The following CCDC91 variants were observed in gnomAD, a reference collection of about 807,000 sequenced individuals.
CCDC91 encodes coiled-coil domain-containing protein 91.
CCDC91 carries 48 observed loss-of-function variants against 63.2 expected under a neutral mutation model. The observed-to-expected ratio is 0.76, with a 90% CI of 0.60 to 0.97. The LOEUF (loss-of-function observed/expected upper bound fraction) is 0.97, where lower values mean the gene tolerates loss of function less well. Among genes scored for constraint, CCDC91 ranks in the 50% least tolerant of loss-of-function variants. CCDC91 has a pLI of 0.00. For missense variants in CCDC91, 500 were observed against 494.6 expected (o/e 1.01, Z -0.10); for synonymous variants, 167 against 165.8 (o/e 1.01, Z -0.06).
chr12:28,229,173 C>G (rs1944444354), intron 1 of CCDC91, among the ~76,000 whole-genome samples: 1 of 150,794 alleles, frequency 6.6e-6, no homozygotes. Flanking sequence ...GGGGGTTCTA[C>G]TTTTTTCATT....
chr12:28,390,948 T>TA (rs1565899867), intron 7 of CCDC91, among the ~76,000 whole-genome samples: 1 of 151,098 alleles, frequency 6.6e-6, no homozygotes, highest in South Asian at 2.1e-4. Context: ...CTTTTTTTTT[T>TA]TTTTTCAGCA....
intron 8 of CCDC91, among the ~76,000 whole-genome samples, chr12:28,412,217 A>G (rs1338533661): frequency 6.6e-6 from 1 of 152,216 alleles, no homozygotes; most frequent in African/African-American, 2.4e-5. Context: ...ATTGCCTAAT[A>G]TCACATTTCT....
At chr12:28,456,427 T>A (rs80154205) in intron 11 of CCDC91, among the ~76,000 whole-genome samples, 1 of 152,240 alleles carries the variant, frequency 6.6e-6, no homozygotes, top group Non-Finnish European at 1.5e-5. Flanking sequence ...TCATTTCATA[T>A]AAGTCAATTT....
At chr12:28,195,237 T>C (rs573282148) in intron 1 of CCDC91, among the ~76,000 whole-genome samples, 4 of 152,316 alleles carry the variant, frequency 2.6e-5, no homozygotes, top group Admixed American at 2.0e-4. Context: ...AGAGCGCTGA[T>C]TGGTGCATTT....
intron 3 of CCDC91, among the ~76,000 whole-genome samples, chr12:28,267,807 A>AATATATAATT (rs1565699742): frequency 6.0e-4 from 9 of 14,888 alleles, no homozygotes; most frequent in African/African-American, 1.1e-3. Flanking sequence ...ATTATATAGT[A>AATATATAATT]ATATATAATT....
At chr12:28,506,015 A>G (rs1422360349) in intron 12 of CCDC91, among the ~76,000 whole-genome samples, 8 of 152,018 alleles carry the variant, frequency 5.3e-5, no homozygotes, top group Admixed American at 5.2e-4. Flanking sequence ...CAAATTAATG[A>G]TTACACATAT....
At chr12:28,494,380 C>A (rs1427905022) in intron 12 of CCDC91, among the ~76,000 whole-genome samples, 1 of 151,712 alleles carries the variant, frequency 6.6e-6, no homozygotes, top group Non-Finnish European at 1.5e-5. Context: ...AGAGTTCCAC[C>A]TAGCAATGTG....
chr12:28,352,812 T>A (rs1943269734), intron 6 of CCDC91, among the ~76,000 whole-genome samples: 1 of 152,140 alleles, frequency 6.6e-6, no homozygotes, highest in Non-Finnish European at 1.5e-5. Flanking sequence ...GCATAATGCT[T>A]AAGGGCCCTG....
At chr12:28,249,177 T>C (rs1473154690) in intron 1 of CCDC91, among the ~76,000 whole-genome samples, 3 of 152,132 alleles carry the variant, frequency 2.0e-5, no homozygotes, top group Non-Finnish European at 1.5e-5. Flanking sequence ...ATGAGAGAAA[T>C]AACTTTAAAG....
intron 12 of CCDC91, among the ~76,000 whole-genome samples, chr12:28,523,095 T>C (rs1940894514): frequency 6.6e-6 from 1 of 152,230 alleles, no homozygotes; most frequent in Non-Finnish European, 1.5e-5. Context: ...TAGGTCCGCC[T>C]GGTGCAGAGC....
chr12:28,246,650 T>C (rs911490254), intron 1 of CCDC91, among the ~76,000 whole-genome samples: 1 of 152,092 alleles, frequency 6.6e-6, no homozygotes, highest in Non-Finnish European at 1.5e-5. Flanking sequence ...GAAATAGTTA[T>C]ACAGTATAAT....
intron 3 of CCDC91, among the ~76,000 whole-genome samples, chr12:28,275,492 CA>C (rs894746782): frequency 6.6e-6 from 1 of 151,836 alleles, no homozygotes; most frequent in Non-Finnish European, 1.5e-5. Context: ...GCTTACCAAC[CA>C]AAAAAAGTCC....
At chr12:28,247,491 A>G (rs1945832675) in intron 1 of CCDC91, among the ~76,000 whole-genome samples, 1 of 152,096 alleles carries the variant, frequency 6.6e-6, no homozygotes, top group Non-Finnish European at 1.5e-5. Flanking sequence ...AAAAAAAAAA[A>G]AAAAAAGAAT....
chr12:28,513,977 T>C (rs557186854), intron 12 of CCDC91, among the ~76,000 whole-genome samples: 66 of 151,974 alleles, frequency 4.3e-4, no homozygotes, highest in African/African-American at 1.5e-3. Flanking sequence ...AGTGTATACC[T>C]AGCAATGGGA....
intron 12 of CCDC91, among the ~76,000 whole-genome samples, chr12:28,511,109 A>G (rs2141277673): frequency 6.6e-6 from 1 of 152,048 alleles, no homozygotes; most frequent in South Asian, 2.1e-4. Context: ...AGCCCAAGTC[A>G]CTATGAACTT....
At chr12:28,528,071 T>C (rs758446316) in intron 12 of CCDC91, among the ~76,000 whole-genome samples, 1 of 152,278 alleles carries the variant, frequency 6.6e-6, no homozygotes, top group Non-Finnish European at 1.5e-5. Context: ...CCCCCACCTG[T>C]GGAGTCTGCA....
intron 11 of CCDC91, among the ~76,000 whole-genome samples, chr12:28,476,065 C>T (rs1229076998): frequency 2.0e-5 from 3 of 151,984 alleles, no homozygotes; most frequent in African/African-American, 7.2e-5. Context: ...ACCCCCAAAT[C>T]ACTCTACCCA....
chr12:28,429,615 T>C (rs1395386065), intron 8 of CCDC91, among the ~76,000 whole-genome samples: 1 of 152,134 alleles, frequency 6.6e-6, no homozygotes, highest in East Asian at 1.9e-4. Flanking sequence ...AATTGACATT[T>C]AAAAGGGCCT....
chr12:28,361,757 T>C (rs1275196819), intron 6 of CCDC91, among the ~76,000 whole-genome samples: 1 of 151,958 alleles, frequency 6.6e-6, no homozygotes, highest in African/African-American at 2.4e-5. Flanking sequence ...TTCTGTTTTT[T>C]GGATGTGTTA....
Sources: allele counts gnomAD v4.1 joint callset (sites outside exome capture counted in the v4.1 genomes callset), GRCh38; gene constraint gnomAD v4.1.1; transcripts MANE v1.5; gene names NCBI Gene and HGNC (gene_info 2026-07-23, HGNC 2026-07-21).